Variants in PCDHA12 observed in about 807,000 individuals in gnomAD.
PCDHA12 encodes protocadherin alpha 12, also known as protocadherin alpha-12.
Under a neutral mutation model 60.0 loss-of-function variants are expected in PCDHA12, and 44 were observed. The ratio of observed to expected loss-of-function variants is 0.73; its 90% CI spans 0.58 to 0.94. The LOEUF is 0.94. Ranked by LOEUF, PCDHA12 falls within the 40% of genes least tolerant of loss-of-function variation. The pLI is 0.00. For synonymous variants in PCDHA12, 569 were observed against 553.0 expected, an observed-to-expected ratio of 1.03 and a Z score of -0.40; for missense variants, 1,276 against 1,239.7, an observed-to-expected ratio of 1.03 and a Z score of -0.44.
intron 1 of PCDHA12, among the ~76,000 whole-genome samples, chr5:140,969,759 T>C (rs576118722): frequency 1.3e-5 from 2 of 152,338 alleles, no homozygotes; most frequent in African/African-American, 4.8e-5. Flanking sequence ...CTTAAAAAGC[T>C]CTGAGGCCTC....
intron 1 of PCDHA12, chr5:140,882,108 A>G: frequency 7.3e-7 from 1 of 1,370,912 alleles, no homozygotes; most frequent in Non-Finnish European, 9.8e-7. Flanking sequence ...TCCGCGAAGA[A>G]AGCCGCCGTT....
intron 1 of PCDHA12, among the ~76,000 whole-genome samples, chr5:140,906,476 G>A (rs1284528767): frequency 1.3e-5 from 2 of 152,192 alleles, no homozygotes; most frequent in African/African-American, 4.8e-5. Context: ...TAGTACAAAT[G>A]TATAAATGCA....
At chr5:140,914,451 C>A (rs879984519) in intron 1 of PCDHA12, among the ~76,000 whole-genome samples, 1 of 152,094 alleles carries the variant, frequency 6.6e-6, no homozygotes, top group Non-Finnish European at 1.5e-5. Context: ...TCTTTATTTT[C>A]CAGTCTATGT....
In PCDHA12 at chr5:140,883,991, G is replaced by A. The variant is rs1475054823; in HGVS notation, c.2367+6152G>A. ...GACGCCCGGGGCTGGCAGCGCGGGA[G>A]GCACAGTGAGCGAGCTGATGCCGCG... On this transcript the variant is annotated intron_variant, in intron 1 of 3. Transcript: ENST00000398631. 2 of 1,612,972 alleles carry A rather than the reference G, an allele frequency of 1.2e-6. No individual in the cohort carries two copies. The highest frequency in any genetic ancestry group is 2.2e-5 in the East Asian group (1 of 44,862).
chr5:140,993,462 T>TCTCACACACACA (rs1235362335), intron 3 of PCDHA12, among the ~76,000 whole-genome samples: 1 of 140,938 alleles, frequency 7.1e-6, no homozygotes, highest in African/African-American at 2.6e-5. Context: ...TCTTTCTTTC[T>TCTCACACACACA]CACACACACA....
At chr5:140,999,004 A>T (rs2097842745) in intron 3 of PCDHA12, among the ~76,000 whole-genome samples, 1 of 152,258 alleles carries the variant, frequency 6.6e-6, no homozygotes, top group South Asian at 2.1e-4. Flanking sequence ...GCTGGAGCTG[A>T]GATTTGAACC....
At chr5:140,993,462 T>TCACA (rs3836747) in intron 3 of PCDHA12, among the ~76,000 whole-genome samples, 8,584 of 140,952 alleles carry the variant, frequency 0.061, 300 homozygotes, top group Admixed American at 0.12. Flanking sequence ...TCTTTCTTTC[T>TCACA]CACACACACA....
At chr5:140,940,139 C>G (rs984432706) in intron 1 of PCDHA12, among the ~76,000 whole-genome samples, 16 of 152,010 alleles carry the variant, frequency 1.1e-4, no homozygotes, top group Admixed American at 1.0e-3. Context: ...TAGTGATAAA[C>G]TATTATAGTT....
chr5:140,887,236 A>G (rs575217506), intron 1 of PCDHA12, among the ~76,000 whole-genome samples: 53 of 151,920 alleles, frequency 3.5e-4, no homozygotes, highest in South Asian at 2.1e-3. Flanking sequence ...AGCTGAGACT[A>G]CCGGCGCCCG....
At chr5:140,880,084 T>TAGTA (rs2058231039) in intron 1 of PCDHA12, among the ~76,000 whole-genome samples, 1 of 152,208 alleles carries the variant, frequency 6.6e-6, no homozygotes. Context: ...CAACCTATTA[T>TAGTA]AGTAGGCTTA....
rs1404110882 is a variant in PCDHA12 at position 140,968,973 on chromosome 5, C to A, written c.2368-9976C>A. On this transcript the variant is annotated intron_variant, in intron 1 of 3. Transcript: ENST00000398631. ...ATCATCAAGTGCTACCGCTACACTG[C>A]GTATGGCACTGCATGCTGTGGAGGC... is the stretch of plus-strand genomic sequence containing the variant. The A allele has an allele frequency of 6.2e-7, 1 of 1,614,194 alleles. No homozygotes were observed. The highest frequency in any genetic ancestry group is 1.3e-5 in the African/African-American group (1 of 75,044).
intron 1 of PCDHA12, among the ~76,000 whole-genome samples, chr5:140,923,134 G>A (rs962370475): frequency 3.9e-5 from 6 of 152,106 alleles, no homozygotes; most frequent in African/African-American, 1.2e-4. Flanking sequence ...CACTTTGAAG[G>A]TGGAATATAA....
chr5:140,885,206 A>T (rs1304868227), intron 1 of PCDHA12, among the ~76,000 whole-genome samples: 1 of 152,038 alleles, frequency 6.6e-6, no homozygotes, highest in Admixed American at 6.6e-5. Context: ...CATATATCCC[A>T]TGAAAAATAT....
chr5:140,898,905 C>T (rs1313193763), intron 1 of PCDHA12, among the ~76,000 whole-genome samples: 5 of 152,060 alleles, frequency 3.3e-5, no homozygotes, highest in South Asian at 2.1e-4. Context: ...AGGTCCTTCA[C>T]GTCCCTTGTA....
chr5:140,910,519 G>A (rs187918127), intron 1 of PCDHA12, among the ~76,000 whole-genome samples: 18 of 152,218 alleles, frequency 1.2e-4, no homozygotes, highest in Non-Finnish European at 2.5e-4. Context: ...AAGGATGCAG[G>A]TACTCCCCTC....
chr5:141,000,421 A>ATATTTTT (rs1265241806), intron 3 of PCDHA12, among the ~76,000 whole-genome samples: 1 of 27,968 alleles, frequency 3.6e-5, no homozygotes, highest in Non-Finnish European at 5.7e-5. Context: ...ATATATATAT[A>ATATTTTT]TTTTTTTTTT....
Position 141,010,074 on chromosome 5 carries a change from G to C in PCDHA12, c.*137G>C. 6.2e-7 allele frequency: 1 copy of C among 1,607,844 alleles called. No homozygotes were observed. Among genetic ancestry groups the C allele is most frequent in the Non-Finnish European group, 8.5e-7 (1 of 1,176,754 alleles). On this transcript the variant is annotated 3_prime_UTR_variant, in exon 4 of 4. Transcript: ENST00000398631. ...CTCAGAAATCTGCAGAAAGTTCCCT[G>C]TGTCTGTCTAGAACGCATTTAACAG...
intron 3 of PCDHA12, among the ~76,000 whole-genome samples, chr5:140,987,372 A>G (rs1357478474): frequency 6.6e-6 from 1 of 152,204 alleles, no homozygotes; most frequent in Non-Finnish European, 1.5e-5. Flanking sequence ...ATATCATTAC[A>G]GGGTCAGAAT....
intron 1 of PCDHA12, chr5:140,927,638 G>A (rs781909639): frequency 1.2e-6 from 2 of 1,614,142 alleles, no homozygotes; most frequent in Admixed American, 1.7e-5. Context: ...GCACCCAATG[G>A]GACTGTGTTA....
Sources: allele counts gnomAD v4.1 joint callset (sites outside exome capture counted in the v4.1 genomes callset), GRCh38; gene constraint gnomAD v4.1.1; transcripts MANE v1.5; gene names NCBI Gene and HGNC (gene_info 2026-07-23, HGNC 2026-07-21).